MTMR2: variants seen among roughly 807,000 people sequenced by gnomAD.
MTMR2 encodes myotubularin related protein 2, also known as phosphatidylinositol-3,5-bisphosphate 3-phosphatase MTMR2.
MTMR2 carries 55 observed loss-of-function variants against 86.9 expected under a neutral mutation model. The ratio of observed to expected loss-of-function variants is 0.63; its 90% CI spans 0.51 to 0.79. MTMR2 has a LOEUF of 0.79. MTMR2 is among the 30% of genes least tolerant of loss of function. MTMR2 has a pLI of 0.00. For missense variants in MTMR2, 659 were observed against 772.3 expected (o/e 0.85, Z 1.74); for synonymous variants, 241 against 266.8 (o/e 0.90, Z 0.94).
At chr11:95,861,576 A>C (rs1721135062) in intron 5 of MTMR2, among the ~76,000 whole-genome samples, 1 of 151,858 alleles carries the variant, frequency 6.6e-6, no homozygotes, top group Non-Finnish European at 1.5e-5. Flanking sequence ...GGTGCCCGCC[A>C]CCACGCCTGG....
chr11:95,917,549 T>C (rs1384948340), intron 1 of MTMR2, among the ~76,000 whole-genome samples: 1 of 152,140 alleles, frequency 6.6e-6, no homozygotes, highest in Non-Finnish European at 1.5e-5. Context: ...CATATAATTT[T>C]GACTCCCCAA....
intron 1 of MTMR2, among the ~76,000 whole-genome samples, chr11:95,901,593 G>A (rs892470158): frequency 2.0e-5 from 3 of 152,194 alleles, no homozygotes; most frequent in South Asian, 2.1e-4. Flanking sequence ...GCCAGAGAGA[G>A]AGAGAGAAGC....
intron 1 of MTMR2, among the ~76,000 whole-genome samples, chr11:95,916,122 T>C (rs1866690541): frequency 6.6e-6 from 1 of 152,160 alleles, no homozygotes; most frequent in African/African-American, 2.4e-5. Flanking sequence ...TAAGGGTGTC[T>C]CTGGCATAAG....
chr11:95,877,364 A>G (rs1247904590), intron 2 of MTMR2, among the ~76,000 whole-genome samples: 1 of 16,882 alleles, frequency 5.9e-5, no homozygotes, highest in Non-Finnish European at 1.2e-4. Context: ...TTTTTTTTTT[A>G]TATAACACAG....
intron 5 of MTMR2, among the ~76,000 whole-genome samples, chr11:95,859,395 TA>T (rs1463208842): frequency 1.9e-4 from 29 of 152,188 alleles, no homozygotes; most frequent in Admixed American, 1.1e-3. Flanking sequence ...TAACAGCACT[TA>T]GAAAAAAACT....
chr11:95,845,475 CA>C (rs1322575358), intron 10 of MTMR2, among the ~76,000 whole-genome samples: 1 of 152,020 alleles, frequency 6.6e-6, no homozygotes, highest in Non-Finnish European at 1.5e-5. Flanking sequence ...TTCTAAGAAT[CA>C]AATATTCCAT....
chr11:95,846,374 T>A (rs970354944), intron 10 of MTMR2, among the ~76,000 whole-genome samples: 2 of 152,194 alleles, frequency 1.3e-5, no homozygotes, highest in Admixed American at 1.3e-4. Flanking sequence ...GAAGTTTACA[T>A]TCTATTTGGG....
chr11:95,873,849 T>G (rs1378226975), intron 2 of MTMR2, among the ~76,000 whole-genome samples: 1 of 152,202 alleles, frequency 6.6e-6, no homozygotes, highest in Non-Finnish European at 1.5e-5. Flanking sequence ...CATTTTGTTA[T>G]GTACCCAATA....
At chr11:95,841,277 T>C (rs1863536078) in intron 12 of MTMR2, among the ~76,000 whole-genome samples, 1 of 152,178 alleles carries the variant, frequency 6.6e-6, no homozygotes, top group South Asian at 2.1e-4. Flanking sequence ...TAAAATATTT[T>C]ATTTTGCTTG....
intron 1 of MTMR2, among the ~76,000 whole-genome samples, chr11:95,900,905 C>A (rs1565381307): frequency 6.6e-6 from 1 of 152,134 alleles, no homozygotes; most frequent in Non-Finnish European, 1.5e-5. Context: ...GGAACAAAAC[C>A]AGGGGCCTTG....
Position 95,865,624 on chromosome 11 carries a change from G to T in MTMR2, c.239C>A (p.Pro80Gln). The T allele has an allele frequency of 6.2e-7, 1 of 1,613,772 alleles. No homozygotes were observed. The highest frequency in any genetic ancestry group is 8.5e-7 in the Non-Finnish European group (1 of 1,179,752). Residue 80 changes from proline (P) to glutamine (Q), a missense_variant, in exon 3 of 15, where the codon CCA (proline) becomes CAA (glutamine). Around this residue, in one of 3 missense-constraint regions of MTMR2, gnomAD observed 387 missense variants for 526.3 expected, o/e 0.74. Transcript: ENST00000346299. ...LAEMEEPPLL[P>Q]GENIKDMAKD... is the part of the protein sequence containing the mutation. ...ACCCATGTCTTTAATATTTTCTCCT[G>T]GAAGCAAGGGTGGTTCTTCCATTTC...
chr11:95,894,908 G>A (rs1396213821), intron 1 of MTMR2, among the ~76,000 whole-genome samples: 2 of 152,050 alleles, frequency 1.3e-5, no homozygotes, highest in Non-Finnish European at 2.9e-5. Flanking sequence ...GCCTGTTACT[G>A]TTTTCTACAT....
At chr11:95,905,331 G>GCACACACA (rs10552965) in intron 1 of MTMR2, among the ~76,000 whole-genome samples, 1 of 148,098 alleles carries the variant, frequency 6.8e-6, no homozygotes, top group South Asian at 2.2e-4. Flanking sequence ...ACGCACCTGC[G>GCACACACA]CACACACACA....
chr11:95,886,280 A>G (rs1865508637), intron 2 of MTMR2, among the ~76,000 whole-genome samples: 1 of 152,204 alleles, frequency 6.6e-6, no homozygotes, highest in South Asian at 2.1e-4. Flanking sequence ...GATGTAAAGT[A>G]GATGGGAACT....
intron 1 of MTMR2, among the ~76,000 whole-genome samples, chr11:95,900,909 G>C (rs1339068759): frequency 6.6e-6 from 1 of 152,072 alleles, no homozygotes; most frequent in East Asian, 1.9e-4. Flanking sequence ...CAAAACCAGG[G>C]GCCTTGTTTC....
At chr11:95,858,705 A>G in intron 5 of MTMR2, 73 bp from the exon 6 acceptor site, 2 of 998,620 alleles carry the variant, frequency 2.0e-6, no homozygotes, top group South Asian at 2.6e-5. Flanking sequence ...GTTACTTGGA[A>G]CTATCTTGTA....
intron 1 of MTMR2, among the ~76,000 whole-genome samples, chr11:95,914,907 C>T (rs1192457573): frequency 2.0e-5 from 3 of 152,176 alleles, no homozygotes; most frequent in Non-Finnish European, 2.9e-5. Context: ...CATTAACACT[C>T]TCTACTTTAT....
At chr11:95,847,975 G>T in intron 9 of MTMR2, 76 bp from the exon 10 acceptor site, 1 of 1,376,002 alleles carries the variant, frequency 7.3e-7, no homozygotes, top group Non-Finnish European at 1.0e-6. Context: ...ATATCCAATA[G>T]CATAAAAGAT....
In MTMR2 at chr11:95,905,331, G is replaced by GCGCGCGCGCGCGCGCA. The variant is rs928252045; in HGVS notation, c.81-17071_81-17070insTGCGCGCGCGCGCGCG. On this transcript the variant is annotated intron_variant, in intron 1 of 14. Transcript: ENST00000346299. Reference sequence around the variant, plus strand: ...CTTACACACACACGCACGCACCTGCGCACACACACACACACACACACACAC... The same window carrying GCGCGCGCGCGCGCGCA: ...CTTACACACACACGCACGCACCTGCGCGCGCGCGCGCGCGCACACACACACACACACACACACACAC... 1.8e-3 allele frequency among the ~76,000 whole-genome samples: 265 copies of GCGCGCGCGCGCGCGCA among 148,094 alleles called. 1 individual carries two copies. Among genetic ancestry groups the GCGCGCGCGCGCGCGCA allele is most frequent in the South Asian group, 0.01 (46 of 4,536 alleles).
Sources: gnomAD v4.1 joint callset for allele counts (sites outside exome capture counted in the v4.1 genomes callset) on GRCh38, gnomAD v4.1.1 for gene constraint, gnomAD v4.1.1 regional missense constraint, MANE v1.5 for transcripts, NCBI Gene and HGNC (gene_info 2026-07-23, HGNC 2026-07-21) for gene names.